The following ZFP64 variants were observed in gnomAD, a reference collection of about 807,000 sequenced individuals.
The protein encoded by ZFP64 is zinc finger protein 64.
ZFP64 carries 14 observed loss-of-function variants against 51.6 expected under a neutral mutation model. The ratio of observed to expected loss-of-function variants is 0.27; its 90% CI spans 0.18 to 0.42. The LOEUF (loss-of-function observed/expected upper bound fraction) is 0.42. ZFP64 is among the 10% of genes least tolerant of loss of function. ZFP64 has a pLI of 1.00. For synonymous variants in ZFP64, 375 were observed against 361.4 expected, an observed-to-expected ratio of 1.04 and a Z score of -0.43; for missense variants, 754 against 906.8, an observed-to-expected ratio of 0.83 and a Z score of 2.16.
intron 5 of ZFP64, among the ~76,000 whole-genome samples, chr20:52,134,950 C>T (rs1343438138): frequency 6.6e-6 from 1 of 152,094 alleles, no homozygotes; most frequent in Non-Finnish European, 1.5e-5. Context: ...GCAACCTCTG[C>T]CTCCTGGGCT....
At chr20:52,107,293 A>G (rs541292135) in intron 5 of ZFP64, among the ~76,000 whole-genome samples, 1 of 152,200 alleles carries the variant, frequency 6.6e-6, no homozygotes, top group Admixed American at 6.5e-5. Flanking sequence ...GGTGTACACA[A>G]TCAATTATTG....
intron 7 of ZFP64, among the ~76,000 whole-genome samples, chr20:52,090,596 C>G (rs552294042): frequency 7.9e-5 from 12 of 151,904 alleles, no homozygotes; most frequent in East Asian, 3.9e-4. Context: ...GTCAGGAGTT[C>G]GAGACCAGCC....
At chr20:52,174,578 C>T (rs1316209982) in intron 2 of ZFP64, among the ~76,000 whole-genome samples, 1 of 151,736 alleles carries the variant, frequency 6.6e-6, no homozygotes, top group African/African-American at 2.4e-5. Flanking sequence ...AACACTTTTG[C>T]CATGTTAAAA....
chr20:52,171,000 G>T (rs1480225192), intron 2 of ZFP64, among the ~76,000 whole-genome samples: 1 of 152,224 alleles, frequency 6.6e-6, no homozygotes, highest in African/African-American at 2.4e-5. Flanking sequence ...GAAGGCCTCA[G>T]TGAGAAGGTA....
At chr20:52,155,476 T>C (rs996540076) in intron 5 of ZFP64, among the ~76,000 whole-genome samples, 3 of 152,114 alleles carry the variant, frequency 2.0e-5, no homozygotes, top group Non-Finnish European at 4.4e-5. Context: ...TTTTACTAGG[T>C]TTTCCAGTTA....
chr20:52,105,411 C>T, intron 5 of ZFP64: 1 of 1,223,398 alleles, frequency 8.2e-7, no homozygotes, highest in Non-Finnish European at 1.0e-6. Flanking sequence ...GGCCTGGAGC[C>T]AAGACCCCAG....
intron 5 of ZFP64, chr20:52,098,701 T>C (rs771730825): frequency 7.2e-5 from 103 of 1,420,706 alleles, no homozygotes; most frequent in Non-Finnish European, 9.7e-5. Context: ...AGAAAAAATT[T>C]AAAAAAAATG....
chr20:52,125,479 G>C (rs1172542415), intron 5 of ZFP64, among the ~76,000 whole-genome samples: 1 of 152,226 alleles, frequency 6.6e-6, no homozygotes, highest in Non-Finnish European at 1.5e-5. Flanking sequence ...AAACCCTGCA[G>C]CAGCCATCAT....
At chr20:52,168,095 C>T (rs1982432863) in intron 2 of ZFP64, among the ~76,000 whole-genome samples, 1 of 152,136 alleles carries the variant, frequency 6.6e-6, no homozygotes, top group Non-Finnish European at 1.5e-5. Flanking sequence ...ACCCAAGTTC[C>T]TGATCTCCAT....
intron 5 of ZFP64, among the ~76,000 whole-genome samples, chr20:52,135,618 CCAGTACTA>C (rs1979932814): frequency 6.6e-6 from 1 of 152,058 alleles, no homozygotes; most frequent in South Asian, 2.1e-4. Context: ...TCCCAAGAAG[CCAGTACTA>C]CAGGCATGTG....
intron 5 of ZFP64, among the ~76,000 whole-genome samples, chr20:52,119,576 A>AACACACACACACAC (rs138828393): frequency 2.3e-4 from 30 of 132,564 alleles, no homozygotes; most frequent in Admixed American, 2.0e-3. Context: ...ATACACACAC[A>AACACACACACACAC]ACACACACAC....
At chr20:52,105,871 C>A (rs574441656) in intron 5 of ZFP64, among the ~76,000 whole-genome samples, 1 of 152,184 alleles carries the variant, frequency 6.6e-6, no homozygotes, top group East Asian at 1.9e-4. Flanking sequence ...GTCTCCCTCC[C>A]TCACCACCCC....
intron 5 of ZFP64, among the ~76,000 whole-genome samples, chr20:52,140,473 G>A (rs80176638): frequency 8.3e-4 from 127 of 152,344 alleles, no homozygotes; most frequent in Non-Finnish European, 1.4e-3. Flanking sequence ...TGTGAAGAAC[G>A]TTTGAGTGGT....
At chr20:52,149,290 A>AAAAAAG (rs1568677187), downstream of ZFP64, among the ~76,000 whole-genome samples, 1 of 148,936 alleles carries the variant, frequency 6.7e-6, no homozygotes, top group Non-Finnish European at 1.5e-5. Context: ...AAAAAAAAAA[A>AAAAAAG]AGCTGAATAT....
At chr20:52,164,159 C>A (rs1007116350) in intron 4 of ZFP64, among the ~76,000 whole-genome samples, 1 of 152,042 alleles carries the variant, frequency 6.6e-6, no homozygotes, top group Non-Finnish European at 1.5e-5. Flanking sequence ...AAAAAATACA[C>A]AACATTAGCC....
In ZFP64 at chr20:52,143,416, G is replaced by A. The variant is rs1297378030; in HGVS notation, c.763+16707C>T. On this transcript the variant is annotated intron_variant, in intron 5 of 8. Coordinates refer to the ZFP64 transcript ENST00000361387. ...TTTATAGGGATGGATATAAGGACAAGTTTTGAATGATTTTGTAGGCAATAA... is the reference window on the plus strand; with the variant it reads ...TTTATAGGGATGGATATAAGGACAAATTTTGAATGATTTTGTAGGCAATAA... Among the ~76,000 whole-genome samples, 2 of 143,468 alleles carry A rather than the reference G, an allele frequency of 1.4e-5. 1 individual carries two copies. Among genetic ancestry groups the A allele is most frequent in the Non-Finnish European group, 3.1e-5 (2 of 64,478 alleles). The allele number at this position is 143,468 out of a possible 152,430, so 94.1% of individuals were successfully genotyped here. A position where few individuals can be genotyped will look rare whatever the true frequency, so the allele number is the denominator to read the frequency against.
intron 5 of ZFP64, among the ~76,000 whole-genome samples, chr20:52,117,486 G>A (rs1043866232): frequency 1.3e-5 from 2 of 151,516 alleles, no homozygotes; most frequent in Non-Finnish European, 2.9e-5. Context: ...AGGCATGGTG[G>A]TGGGCACCTG....
chr20:52,104,352 G>A lies in ZFP64; in HGVS notation c.764-5765C>T, dbSNP rs954188186. The stretch of plus-strand genomic sequence containing the variant: ...GATCCCGGGACGAGAAATGCTGCCC[G>A]GGGGGCTTAAGGTAGCCGACGATCT... On this transcript the variant is annotated intron_variant, in intron 5 of 8. Transcript: ENST00000361387. 3.3e-5 allele frequency among the ~76,000 whole-genome samples: 5 copies of A among 152,148 alleles called. No homozygotes were observed. The South Asian group carries it at 6.2e-4, about 19-fold the overall frequency.
In ZFP64 at chr20:52,191,480, C is replaced by G; in HGVS notation, c.46+111G>C. Reference sequence around the variant, plus strand: ...CCGAGACGCGGCTCCGAGCCGTCACCCCGATTTCGGGGCCCCGGGCCTGCT... The same window carrying G: ...CCGAGACGCGGCTCCGAGCCGTCACGCCGATTTCGGGGCCCCGGGCCTGCT... On this transcript the variant is annotated intron_variant, in intron 1 of 5. Transcript: ENST00000216923. The surrounding 1 kb of genome is among the most constrained non-coding windows in gnomAD (Gnocchi z 4.3). The G allele has an allele frequency of 7.7e-7, 1 of 1,302,072 alleles. No homozygotes were observed. The allele number at this position is 1,302,072 out of a possible 1,614,324, so 80.7% of individuals were successfully genotyped here.
Sources: gnomAD v4.1 joint callset for allele counts (sites outside exome capture counted in the v4.1 genomes callset) on GRCh38, gnomAD v4.1.1 for gene constraint, Gnocchi (gnomAD v3.1) non-coding constraint, MANE v1.5 for transcripts, NCBI Gene and HGNC (gene_info 2026-07-23, HGNC 2026-07-21) for gene names.